ERG: variants seen among roughly 807,000 people sequenced by gnomAD.
The protein encoded by ERG is transcriptional regulator ERG.
ERG carries 9 observed loss-of-function variants against 55.3 expected under a neutral mutation model. The observed-to-expected ratio is 0.16, with a 90% confidence interval of 0.10 to 0.28. The LOEUF is 0.28. Ranked by LOEUF, ERG falls within the 10% of genes least tolerant of loss-of-function variation. The pLI is 1.00. For synonymous variants in ERG, 223 were observed against 237.3 expected (o/e 0.94, Z 0.55); for missense variants, 434 against 631.6 (o/e 0.69, Z 3.35).
rs2059337697 is a variant in ERG at position 38,491,710 on chromosome 21, G to A, written c.18+6653C>T. The stretch of plus-strand genomic sequence containing the variant: ...CCATGAACACCCTGCTGAAAGACTT[G>A]TTAAGGCCTTATGGAAAACTCTGAC... On this transcript the variant is annotated intron_variant, in intron 1 of 9. Coordinates refer to ENST00000288319, the MANE Select transcript of ERG (RefSeq NM_182918.4). 2.0e-5 allele frequency among the ~76,000 whole-genome samples: 3 copies of A among 152,288 alleles called. No individual in the cohort carries two copies. In the South Asian group the frequency reaches 6.2e-4, roughly 32 times the overall value.
chr21:38,661,369 G>A (rs900483661), intron 1 of ERG, among the ~76,000 whole-genome samples: 4 of 152,212 alleles, frequency 2.6e-5, no homozygotes, highest in African/African-American at 7.2e-5. Flanking sequence ...ATGAGAACTG[G>A]GACGACGTCG....
chr21:38,391,590 G>T, intron 8 of ERG, 69 bp downstream of exon 8: 2 of 1,261,488 alleles, frequency 1.6e-6, no homozygotes, highest in Non-Finnish European at 2.3e-6. Flanking sequence ...AAAAAGTGAA[G>T]CATTTTAGAA....
rs60102276 is a variant in ERG at position 38,579,001 on chromosome 21, G to A, written c.-126-3254C>T. On this transcript the variant is annotated intron_variant, in intron 1 of 8. Coordinates refer to the ERG transcript ENST00000398897. Reference sequence around the variant, plus strand: ...AGACATAATATTTCCACTCACCTACGAGACATGATCTCAAACCCTAATCCT... The same window carrying A: ...AGACATAATATTTCCACTCACCTACAAGACATGATCTCAAACCCTAATCCT... Among the ~76,000 whole-genome samples the A allele has an allele frequency of 8.1e-3, 1,228 of 152,142 alleles. 13 individuals are homozygous for A. Among genetic ancestry groups the A allele is most frequent in the African/African-American group, 0.029 (1,186 of 41,484 alleles).
At chr21:38,471,434 T>TA (rs2059138310) in intron 1 of ERG, 1 of 152,246 alleles carries the variant, frequency 6.6e-6, no homozygotes, top group African/African-American at 2.4e-5. Context: ...GAGCAACACT[T>TA]ACGGAGCTCA....
intron 8 of ERG, among the ~76,000 whole-genome samples, 188 bp downstream of exon 8, chr21:38,391,471 G>T (rs1460903916): frequency 6.6e-6 from 1 of 152,204 alleles, no homozygotes; most frequent in South Asian, 2.1e-4. Flanking sequence ...AGTTGGGGAC[G>T]TGTTTTAGCA....
At chr21:38,656,476 G>A (rs1180911515) in intron 1 of ERG, among the ~76,000 whole-genome samples, 5 of 152,146 alleles carry the variant, frequency 3.3e-5, no homozygotes, top group Non-Finnish European at 7.3e-5. Context: ...GCTTCTGACG[G>A]TGCACAAGCT....
intron 2 of ERG, among the ~76,000 whole-genome samples, chr21:38,568,511 G>A (rs1004391815): frequency 6.6e-6 from 1 of 152,124 alleles, no homozygotes; most frequent in African/African-American, 2.4e-5. Flanking sequence ...TCATAAAAAT[G>A]AGCAAAAGTA....
At chr21:38,516,551 A>G (rs995363812) in intron 2 of ERG, among the ~76,000 whole-genome samples, 1 of 151,910 alleles carries the variant, frequency 6.6e-6, no homozygotes, top group African/African-American at 2.4e-5. Context: ...AAATAAATCT[A>G]CAGATTCAAT....
chr21:38,538,719 G>C (rs534282107), intron 2 of ERG, among the ~76,000 whole-genome samples: 3 of 152,140 alleles, frequency 2.0e-5, no homozygotes, highest in Non-Finnish European at 2.9e-5. Context: ...TGGCCAGCAG[G>C]CTGGGGGACA....
Position 38,392,402 on chromosome 21 carries a change from T to C in ERG, c.788A>G (p.His263Arg), listed in dbSNP as rs1212392138. The C allele has an allele frequency of 1.3e-6, 2 of 1,567,384 alleles. No individual in the cohort carries two copies. The highest frequency in any genetic ancestry group is 1.7e-6 in the Non-Finnish European group (2 of 1,154,408). The part of the protein sequence containing the change: ...EPPRRSAWTG[H>R]GHPTPQSKAA... ...TTTCGACTGGGGCGTGGGGTGGCCG[T>C]GACCGGTCCAGGCTGATCTCCTGGG... The change falls in exon 7 of 10, where the codon CAC (histidine) becomes CGC (arginine). Residue 263 changes from histidine (H) to arginine (R), a missense_variant. His to Arg is a conservative substitution (Grantham distance 29, BLOSUM62 0). Around this residue, in one of 5 missense-constraint regions of ERG, gnomAD observed 99 missense variants for 145.6 expected, o/e 0.68. Coordinates refer to ENST00000288319, the MANE Select transcript of ERG (RefSeq NM_182918.4).
chr21:38,420,900 T>C lies in ERG; in HGVS notation c.388+2510A>G, dbSNP rs191566011. ...CATCTTTGAGATCTAAACACTTTGT[T>C]TTGTCTCCTTTGAAGAAATTACATT... On this transcript the variant is annotated intron_variant, in intron 3 of 9. Transcript: ENST00000288319. 1.4e-3 allele frequency among the ~76,000 whole-genome samples: 218 copies of C among 152,246 alleles called. 1 individual carries two copies. The highest frequency in any genetic ancestry group is 5.1e-3 in the African/African-American group (213 of 41,542).
chr21:38,400,014 A>G (rs1988411691), intron 6 of ERG: 1 of 222,104 alleles, frequency 4.5e-6, no homozygotes, highest in East Asian at 7.4e-5. Flanking sequence ...TGGTTCATCT[A>G]TATATTCCCA....
At chr21:38,489,879 G>GT (rs2059320089) in intron 1 of ERG, among the ~76,000 whole-genome samples, 1 of 152,230 alleles carries the variant, frequency 6.6e-6, no homozygotes, top group African/African-American at 2.4e-5. Context: ...AGGCTCAGGA[G>GT]GGGTCCCCCT....
chr21:38,440,015 A>T (rs972879071), intron 2 of ERG, among the ~76,000 whole-genome samples: 1 of 152,172 alleles, frequency 6.6e-6, no homozygotes, highest in African/African-American at 2.4e-5. Context: ...CAGAGAGTGC[A>T]CTTCTCCCGT....
rs146396840 is a variant in ERG, at chr21:38,647,354, T to G, written c.-150+14304A>C. ...CTTTGCAAAGTCAAGTATTGGCATT[T>G]CGTATTTAAGCCATGCATCCTCAAG... On this transcript the variant is annotated intron_variant, in intron 1 of 10. Transcript: ENST00000398910. Among the ~76,000 whole-genome samples the G allele has an allele frequency of 5.1e-3, 770 of 152,326 alleles. 12 individuals carry two copies. The highest frequency in any genetic ancestry group is 0.018 in the African/African-American group (735 of 41,554).
chr21:38,559,283 A>C (rs2059877393), intron 2 of ERG, among the ~76,000 whole-genome samples: 2 of 151,184 alleles, frequency 1.3e-5, no homozygotes, highest in African/African-American at 4.9e-5. Flanking sequence ...CCTGGAACAC[A>C]CCTGCCTGCT....
At chr21:38,592,818 G>A (rs965292155) in intron 1 of ERG, among the ~76,000 whole-genome samples, 19 of 152,182 alleles carry the variant, frequency 1.2e-4, no homozygotes, top group Non-Finnish European at 2.8e-4. Context: ...TATTGGCCAT[G>A]ACCGCATACT....
At chr21:38,475,353 T>C (rs2059177570) in intron 1 of ERG, among the ~76,000 whole-genome samples, 1 of 152,110 alleles carries the variant, frequency 6.6e-6, no homozygotes, top group African/African-American at 2.4e-5. Flanking sequence ...ATGACCAAGA[T>C]GCATTCCCCA....
chr21:38,393,895 G>A (rs1961864521), intron 6 of ERG, among the ~76,000 whole-genome samples: 1 of 152,076 alleles, frequency 6.6e-6, no homozygotes. Flanking sequence ...ATTTTTGGAC[G>A]TAAATCTTTT....
Sources: allele counts gnomAD v4.1 joint callset (sites outside exome capture counted in the v4.1 genomes callset), GRCh38; gene constraint gnomAD v4.1.1; regional missense constraint gnomAD v4.1.1; transcripts MANE v1.5; gene names NCBI Gene and HGNC (gene_info 2026-07-23, HGNC 2026-07-21).